TMEM229B: variants seen among roughly 807,000 people sequenced by gnomAD.
TMEM229B encodes transmembrane protein 229B.
In TMEM229B, 6 loss-of-function variants were observed where a neutral mutation model predicts 13.7. That is an observed-to-expected ratio of 0.44 (90% CI 0.24 to 0.86). The LOEUF is 0.86. TMEM229B is among the 40% of genes least tolerant of loss of function. The pLI, the probability that TMEM229B is intolerant of heterozygous loss-of-function variation, is 0.23. For synonymous variants in TMEM229B, 107 were observed against 102.1 expected, an observed-to-expected ratio of 1.05 and a Z score of -0.29; for missense variants, 170 against 236.0, an observed-to-expected ratio of 0.72 and a Z score of 1.83.
At chr14:67,495,893 G>T (rs1423097057) in intron 1 of TMEM229B, among the ~76,000 whole-genome samples, 2 of 152,246 alleles carry the variant, frequency 1.3e-5, no homozygotes, top group Admixed American at 1.3e-4. Flanking sequence ...CTCTCAGGCA[G>T]GCTTTCTAGG....
intron 1 of TMEM229B, chr14:67,533,172 G>A (rs2033524363): frequency 6.6e-6 from 1 of 152,076 alleles, no homozygotes; most frequent in Non-Finnish European, 1.5e-5. Context: ...GCGGAGCGTT[G>A]AATGGGGCGC....
At chr14:67,489,137 A>T (rs192018125), upstream of TMEM229B, among the ~76,000 whole-genome samples, 389 of 152,282 alleles carry the variant, frequency 2.6e-3, 2 homozygotes, top group African/African-American at 8.9e-3. Context: ...TGGAACTTAG[A>T]TCATCTCTCA....
At chr14:67,515,362 G>C in exon 1 of TMEM229B, 1 of 168,836 alleles carries the variant, frequency 5.9e-6, no homozygotes, top group East Asian at 1.7e-4. Flanking sequence ...GGCGGCGCGG[G>C]GTCCGGGGGG....
intron 1 of TMEM229B, among the ~76,000 whole-genome samples, chr14:67,509,525 C>T (rs1460138061): frequency 6.6e-6 from 1 of 152,074 alleles, no homozygotes; most frequent in Admixed American, 6.6e-5. Context: ...CACCATGTTG[C>T]TCAGGCTGGT....
chr14:67,525,615 G>A (rs1427877101), intron 1 of TMEM229B, among the ~76,000 whole-genome samples: 2 of 152,240 alleles, frequency 1.3e-5, no homozygotes, highest in African/African-American at 4.8e-5. Flanking sequence ...GAGATTTGGA[G>A]TGGGGAAGGT....
rs1594728702 is a variant in TMEM229B, at chr14:67,533,276, G to A, written c.-192+360C>T. 3 of 152,062 alleles carry A rather than the reference G, an allele frequency of 2.0e-5. No homozygotes were observed. The East Asian group carries it at 5.9e-4, about 30-fold the overall frequency. The allele number at this position is 152,062 out of a possible 1,614,324, so 9.4% of individuals were successfully genotyped here. A position where few individuals can be genotyped will look rare whatever the true frequency, so the allele number is the denominator to read the frequency against. On this transcript the variant is annotated intron_variant, in intron 1 of 2. Coordinates refer to the TMEM229B transcript ENST00000554278. ...CCGCAGCCCACGACCCCTGCTGCCG[G>A]GGAGGGGAGAACCGGCGGCAGCCCG...
rs144891098 is a variant in TMEM229B, at chr14:67,480,954, G to A, written c.-19+6046C>T. On this transcript the variant is annotated intron_variant, in intron 2 of 2. Transcript: ENST00000554480. ...TTGGAGCAGAAGCAAGAAGAAAGGG[G>A]TAGCTGTCAAAGGGAGAGAGAAACC... Among the ~76,000 whole-genome samples, 98 of 152,294 alleles carry A rather than the reference G, an allele frequency of 6.4e-4. No homozygotes were observed. In the East Asian group the frequency reaches 0.015, roughly 23 times the overall value.
chr14:67,504,984 G>A (rs918929689), intron 1 of TMEM229B, among the ~76,000 whole-genome samples: 6 of 152,102 alleles, frequency 3.9e-5, no homozygotes, highest in African/African-American at 1.2e-4. Context: ...TCCCAAGTGC[G>A]TTTGGATATT....
At chr14:67,486,165 T>A (rs754762347) in intron 2 of TMEM229B, among the ~76,000 whole-genome samples, 5 of 152,218 alleles carry the variant, frequency 3.3e-5, no homozygotes, top group Admixed American at 6.5e-5. Context: ...TCATCTTGAA[T>A]TTCCACCATG....
upstream of TMEM229B, among the ~76,000 whole-genome samples, chr14:67,516,475 C>G (rs1053226140): frequency 1.3e-5 from 2 of 152,170 alleles, no homozygotes; most frequent in Non-Finnish European, 2.9e-5. Flanking sequence ...CAGTGACAAA[C>G]AGCTCTCAGA....
chr14:67,478,801 C>A (rs1248357263), intron 2 of TMEM229B, among the ~76,000 whole-genome samples: 2 of 152,184 alleles, frequency 1.3e-5, no homozygotes, highest in East Asian at 3.8e-4. Flanking sequence ...CTTCCCACTT[C>A]TGCACCCTCC....
chr14:67,515,659 C>T (rs1456729942), upstream of TMEM229B, among the ~76,000 whole-genome samples: 1 of 152,224 alleles, frequency 6.6e-6, no homozygotes, highest in Non-Finnish European at 1.5e-5. Context: ...GTGCAGGGCT[C>T]TTCGGCCCTC....
chr14:67,498,794 T>C (rs1173099390), intron 1 of TMEM229B, among the ~76,000 whole-genome samples: 1 of 151,964 alleles, frequency 6.6e-6, no homozygotes, highest in Non-Finnish European at 1.5e-5. Flanking sequence ...GTCTCTCGAG[T>C]AGCTGAGATT....
At chr14:67,508,930 G>A (rs1204240342) in intron 1 of TMEM229B, among the ~76,000 whole-genome samples, 1 of 151,916 alleles carries the variant, frequency 6.6e-6, no homozygotes, top group East Asian at 1.9e-4. Context: ...GGACCCCAGA[G>A]TCATAATCAG....
chr14:67,477,914 C>T (rs1197976051), intron 2 of TMEM229B, among the ~76,000 whole-genome samples: 2 of 152,228 alleles, frequency 1.3e-5, no homozygotes, highest in Non-Finnish European at 2.9e-5. Flanking sequence ...GCCACATCCC[C>T]ACCCTAACAT....
chr14:67,485,323 C>G (rs182543822), intron 2 of TMEM229B, among the ~76,000 whole-genome samples: 22 of 152,352 alleles, frequency 1.4e-4, no homozygotes, highest in African/African-American at 5.3e-4. Context: ...TACAAATCAA[C>G]TCAAGAACAC....
At chr14:67,518,640 G>T (rs11158675), upstream of TMEM229B, among the ~76,000 whole-genome samples, 63,535 of 152,136 alleles carry the variant, frequency 0.42, 13,855 homozygotes, top group East Asian at 0.49. Flanking sequence ...ATTCTGAAAG[G>T]CAAGAACTGT....
At chr14:67,474,804 T>A (rs1396666225) in intron 2 of TMEM229B, among the ~76,000 whole-genome samples, 1 of 152,158 alleles carries the variant, frequency 6.6e-6, no homozygotes, top group Non-Finnish European at 1.5e-5. Flanking sequence ...ATAAGTGGAA[T>A]CATACAAACA....
At chr14:67,502,483 T>C (rs1436693752) in intron 1 of TMEM229B, among the ~76,000 whole-genome samples, 1 of 149,588 alleles carries the variant, frequency 6.7e-6, no homozygotes, top group Non-Finnish European at 1.5e-5. Flanking sequence ...GACTGAGTTT[T>C]GCTTTGTTGT....
Sources: allele counts gnomAD v4.1 joint callset (sites outside exome capture counted in the v4.1 genomes callset), GRCh38; gene constraint gnomAD v4.1.1; transcripts MANE v1.5; gene names NCBI Gene and HGNC (gene_info 2026-07-23, HGNC 2026-07-21).